The following COL11A1 variants were observed in gnomAD, a reference collection of about 807,000 sequenced individuals.
COL11A1 encodes collagen alpha-1(XI) chain.
A neutral mutation model predicts 265.2 loss-of-function variants in COL11A1; 74 were observed. The observed-to-expected ratio is 0.28, with a 90% CI of 0.23 to 0.34. COL11A1 has a LOEUF of 0.34. COL11A1 is among the 10% of genes least tolerant of loss of function. COL11A1 has a pLI of 1.00. For missense variants in COL11A1, 2,165 were observed against 2,263.6 expected (o/e 0.96, Z 0.88); for synonymous variants, 816 against 727.6 (o/e 1.12, Z -1.96).
At chr1:102,949,905 T>A (rs12134969) in intron 41 of COL11A1, among the ~76,000 whole-genome samples, 2 of 152,050 alleles carry the variant, frequency 1.3e-5, no homozygotes, top group East Asian at 1.9e-4. Flanking sequence ...AACAAAAAAC[T>A]TAAAGGAATT....
chr1:102,922,761 A>G (rs1324747765), intron 47 of COL11A1, among the ~76,000 whole-genome samples: 2 of 152,194 alleles, frequency 1.3e-5, no homozygotes, highest in Non-Finnish European at 2.9e-5. Flanking sequence ...ATCATTTCAA[A>G]GAATATAATA....
At chr1:102,977,109 A>G (rs954505702) in intron 35 of COL11A1, among the ~76,000 whole-genome samples, 4 of 152,148 alleles carry the variant, frequency 2.6e-5, no homozygotes, top group Non-Finnish European at 5.9e-5. Flanking sequence ...ATCCAATGGT[A>G]CTACAGAACT....
intron 5 of COL11A1, among the ~76,000 whole-genome samples, chr1:103,027,524 T>C (rs1405855592): frequency 6.8e-6 from 1 of 146,624 alleles, no homozygotes; most frequent in East Asian, 2.0e-4. Flanking sequence ...ATACTTAATA[T>C]ATATTTTCCA....
intron 4 of COL11A1, among the ~76,000 whole-genome samples, chr1:103,047,094 T>A (rs1266962573): frequency 6.6e-6 from 1 of 152,174 alleles, no homozygotes; most frequent in Non-Finnish European, 1.5e-5. Flanking sequence ...TGCGGGCTCT[T>A]TTTTGGTTCC....
At chr1:102,893,752 A>C (rs931571371) in intron 57 of COL11A1, among the ~76,000 whole-genome samples, 3 of 152,190 alleles carry the variant, frequency 2.0e-5, no homozygotes. Flanking sequence ...TGCAGATCCT[A>C]CACTTTATTT....
chr1:103,099,318 G>A (rs1297203606), intron 1 of COL11A1, among the ~76,000 whole-genome samples: 1 of 151,104 alleles, frequency 6.6e-6, no homozygotes, highest in East Asian at 1.9e-4. Context: ...GTTTGGAGAT[G>A]GTACTTCATA....
chr1:102,914,544 A>G, intron 51 of COL11A1, 139 bp from the exon 52 acceptor site: 1 of 1,036,608 alleles, frequency 9.6e-7, no homozygotes, highest in Non-Finnish European at 1.4e-6. Context: ...AAAATTTCTA[A>G]AGAATTAATT....
In COL11A1 at chr1:102,890,475, A is replaced by G. The variant is rs923113613; in HGVS notation, c.4332T>C (p.Gly1444=). 10 of 1,609,384 alleles carry G rather than the reference A, an allele frequency of 6.2e-6. No homozygotes were observed. Among genetic ancestry groups the G allele is most frequent in the Non-Finnish European group, 8.5e-6 (10 of 1,177,926 alleles). Residue 1444 remains glycine, a synonymous_variant, in exon 58 of 67, where the codon GGT becomes GGC. Coordinates refer to ENST00000370096, the MANE Select transcript of COL11A1 (RefSeq NM_001854.4). ...MGPPGLPGLK[G]DPGSKGEKGH... is the part of the protein sequence containing the mutation. ...CCTTTTCACCCTTGGAGCCAGGGTC[A>G]CCTTTGAGACCAGGTAAGCCAGGAG...
intron 41 of COL11A1, among the ~76,000 whole-genome samples, chr1:102,958,566 C>A (rs771048083): frequency 1.3e-5 from 2 of 151,984 alleles, no homozygotes; most frequent in Non-Finnish European, 2.9e-5. Flanking sequence ...CATCATGCAC[C>A]GCTTCACTAG....
At chr1:102,960,459 A>G (rs1011240818) in intron 41 of COL11A1, among the ~76,000 whole-genome samples, 3 of 134,636 alleles carry the variant, frequency 2.2e-5, no homozygotes, top group African/African-American at 7.8e-5. Flanking sequence ...AAAAATGGAG[A>G]TATAATAAAG....
intron 28 of COL11A1, among the ~76,000 whole-genome samples, chr1:102,992,158 G>T (rs1336675438): frequency 2.6e-5 from 4 of 151,922 alleles, no homozygotes; most frequent in Non-Finnish European, 5.9e-5. Context: ...TTAGTTTTCA[G>T]CATATTCACG....
chr1:103,061,155 G>A (rs928337659), intron 4 of COL11A1, among the ~76,000 whole-genome samples: 3 of 152,120 alleles, frequency 2.0e-5, no homozygotes, highest in African/African-American at 7.2e-5. Flanking sequence ...AATTATTAGA[G>A]ATAAAGTGAG....
chr1:103,037,113 T>G (rs115614917), intron 4 of COL11A1, among the ~76,000 whole-genome samples: 6,220 of 150,400 alleles, frequency 0.041, 234 homozygotes, highest in African/African-American at 0.095. Flanking sequence ...TTTGTTCATT[T>G]TTTTACTTTG....
chr1:103,082,701 TA>T, intron 2 of COL11A1, 103 bp downstream of exon 2: 1 of 1,027,790 alleles, frequency 9.7e-7, no homozygotes, highest in Non-Finnish European at 1.4e-6. Context: ...TCTAACCTGA[TA>T]AAAATACTAA....
At chr1:102,985,867 T>C (rs1037226630) in intron 30 of COL11A1, among the ~76,000 whole-genome samples, 1 of 152,142 alleles carries the variant, frequency 6.6e-6, no homozygotes, top group Non-Finnish European at 1.5e-5. Context: ...TGTTTTCCCC[T>C]GATCTTTTTC....
chr1:102,953,524 C>T (rs1010227817), intron 41 of COL11A1, among the ~76,000 whole-genome samples: 1 of 152,120 alleles, frequency 6.6e-6, no homozygotes, highest in Non-Finnish European at 1.5e-5. Context: ...AATAGTTTGT[C>T]ATCAGGTTTT....
chr1:102,901,321 A>T (rs573907182), intron 54 of COL11A1, among the ~76,000 whole-genome samples: 23 of 114,020 alleles, frequency 2.0e-4, no homozygotes, highest in African/African-American at 7.7e-4. Flanking sequence ...ACTCTGTCTA[A>T]AAAAAAAAAA....
At chr1:103,004,562 A>G in intron 19 of COL11A1, 46 bp downstream of exon 19, 1 of 1,586,974 alleles carries the variant, frequency 6.3e-7, no homozygotes, top group Admixed American at 1.7e-5. Flanking sequence ...TTGTTTTATT[A>G]TGTTTTAATT....
chr1:103,083,923 G>A (rs537049023), intron 1 of COL11A1, among the ~76,000 whole-genome samples: 3 of 152,054 alleles, frequency 2.0e-5, no homozygotes, highest in African/African-American at 7.2e-5. Flanking sequence ...TTACTGTGAC[G>A]TGGTCAATAT....
Sources: allele counts gnomAD v4.1 joint callset (sites outside exome capture counted in the v4.1 genomes callset), GRCh38; gene constraint gnomAD v4.1.1; transcripts MANE v1.5; gene names NCBI Gene and HGNC (gene_info 2026-07-23, HGNC 2026-07-21).